NCK1: variants seen among roughly 807,000 people sequenced by gnomAD.
NCK1 encodes the protein NCK adaptor protein 1.
Under a neutral mutation model 36.6 loss-of-function variants are expected in NCK1, and 19 were observed. The observed-to-expected ratio is 0.52, with a 90% confidence interval of 0.36 to 0.76. The LOEUF is 0.76. Ranked by LOEUF, NCK1 falls within the 30% of genes least tolerant of loss-of-function variation. The pLI, the probability that NCK1 is intolerant of heterozygous loss-of-function variation, is 0.00. For synonymous variants in NCK1, 165 were observed against 156.0 expected (o/e 1.06, Z -0.43); for missense variants, 358 against 445.6 (o/e 0.80, Z 1.77).
chr3:136,882,759 G>A (rs1471067913), intron 1 of NCK1, among the ~76,000 whole-genome samples: 5 of 152,178 alleles, frequency 3.3e-5, no homozygotes, highest in African/African-American at 1.2e-4. Flanking sequence ...TACCCATTCA[G>A]TTCCATTGGT....
chr3:136,928,432 C>G (rs1940303096), intron 2 of NCK1: 1 of 563,722 alleles, frequency 1.8e-6, no homozygotes, highest in South Asian at 2.3e-5. Context: ...TAGGCCCATG[C>G]TCCAAGTCAA....
intron 2 of NCK1, among the ~76,000 whole-genome samples, chr3:136,936,801 T>C (rs778693151): frequency 9.2e-5 from 14 of 152,256 alleles, no homozygotes; most frequent in Non-Finnish European, 1.8e-4. Flanking sequence ...TTTATTCAAG[T>C]CCTTTGCCCA....
intron 1 of NCK1, among the ~76,000 whole-genome samples, chr3:136,910,700 T>C (rs545030548): frequency 6.6e-5 from 10 of 152,370 alleles, no homozygotes; most frequent in African/African-American, 2.2e-4. Context: ...CAATGGGATG[T>C]TCTGACACAT....
At chr3:136,906,080 A>G (rs1309748236) in intron 1 of NCK1, among the ~76,000 whole-genome samples, 12 of 152,004 alleles carry the variant, frequency 7.9e-5, no homozygotes. Context: ...TGTCTTTCAT[A>G]GGGGAGGACA....
chr3:136,897,114 T>C lies in NCK1; in HGVS notation c.-18-30870T>C, dbSNP rs149099281. Among the ~76,000 whole-genome samples, 375 of 152,068 alleles carry C rather than the reference T, an allele frequency of 2.5e-3. 1 individual carries two copies. Among genetic ancestry groups the C allele is most frequent in the African/African-American group, 7.7e-3 (321 of 41,486 alleles). ...TTTTATTTATTATTTTGAGACAGAA[T>C]CTCACTCCCTGTCACCTAGGCTGGA... On this transcript the variant is annotated intron_variant, in intron 1 of 3. Coordinates refer to ENST00000481752, the MANE Select transcript of NCK1 (RefSeq NM_001291999.2).
At chr3:136,944,111 CCTTTTTTTTT>C (rs1284656213) in intron 2 of NCK1, among the ~76,000 whole-genome samples, 6 of 80,924 alleles carry the variant, frequency 7.4e-5, no homozygotes, top group East Asian at 3.0e-4. Context: ...GGAAAAACAA[CCTTTTTTTTT>C]TTTTTTTTTT....
Position 136,921,174 on chromosome 3 carries a change from T to C in NCK1, c.-18-6810T>C, listed in dbSNP as rs1940097945. Among the ~76,000 whole-genome samples the C allele has an allele frequency of 2.0e-5, 3 of 152,326 alleles. No individual in the cohort carries two copies. The East Asian group carries it at 5.8e-4, about 29-fold the overall frequency. The stretch of plus-strand genomic sequence containing the variant: ...TCTATTTCCAGAATAATCTTCATCT[T>C]GCAAAACTTAAACTCTGTACCCATT... On this transcript the variant is annotated intron_variant, in intron 1 of 3. Coordinates refer to ENST00000481752, the MANE Select transcript of NCK1 (RefSeq NM_001291999.2).
At chr3:136,926,603 T>A (rs1035630951) in intron 1 of NCK1, among the ~76,000 whole-genome samples, 5 of 152,128 alleles carry the variant, frequency 3.3e-5, no homozygotes, top group African/African-American at 1.2e-4. Flanking sequence ...TGTTACTATT[T>A]AAAACTAAAA....
At position 136,945,755 on chromosome 3, in the gene NCK1, G is replaced by A; in HGVS notation, c.399G>A (p.Val133=). 1 of 1,614,178 alleles carries A rather than the reference G, an allele frequency of 6.2e-7. No individual in the cohort carries two copies. The highest frequency in any genetic ancestry group is 8.5e-7 in the Non-Finnish European group (1 of 1,180,034). ...TATCATTGATAAAGGGGACAAAGGT[G>A]ATCGTCATGGAGAAATGCAGTGATG... The part of the protein sequence containing the change: ...DELSLIKGTK[V]IVMEKCSDGW... Residue 133 remains valine (V), a synonymous_variant, in exon 3 of 4, where the codon GTG becomes GTA. Coordinates refer to ENST00000481752, the MANE Select transcript of NCK1 (RefSeq NM_001291999.2).
chr3:136,876,343 CA>C (rs1470943247), intron 1 of NCK1, among the ~76,000 whole-genome samples: 19 of 151,978 alleles, frequency 1.3e-4, no homozygotes, highest in African/African-American at 4.6e-4. Flanking sequence ...AAAAACCCTT[CA>C]AAAAATCAAT....
Position 136,928,160 on chromosome 3 carries a change from T to G in NCK1, c.159T>G (p.Ser53=). ...NSMNKTGFVP[S]NYVERKNSAR... is the part of the protein sequence containing the mutation. ...TGAATAAAACAGGTTTTGTGCCTTC[T>G]AACTATGTGGAAAGGAAAAACAGTG... The change falls in exon 2 of 4, where the codon TCT becomes TCG. Residue 53 remains serine (S), a synonymous_variant. Transcript: ENST00000481752. 6.2e-7 allele frequency: 1 copy of G among 1,614,224 alleles called. No individual in the cohort carries two copies. Among genetic ancestry groups the G allele is most frequent in the Non-Finnish European group, 8.5e-7 (1 of 1,180,042 alleles).
intron 1 of NCK1, among the ~76,000 whole-genome samples, chr3:136,865,709 A>G (rs1184394030): frequency 6.6e-6 from 1 of 152,260 alleles, no homozygotes; most frequent in Non-Finnish European, 1.5e-5. Context: ...GCAGTTAACA[A>G]ATTCTCTATA....
intron 1 of NCK1, among the ~76,000 whole-genome samples, chr3:136,889,818 A>G (rs1053797148): frequency 1.3e-5 from 2 of 152,124 alleles, no homozygotes; most frequent in African/African-American, 4.8e-5. Context: ...CAGGGTGCTG[A>G]TTGGTGTGTT....
Position 136,867,155 on chromosome 3 carries a change from TCCTTCCTTCCTTCCTTCCTTCC to T in NCK1, c.-19+4803_-19+4824del, listed in dbSNP as rs1361313698. ...TTCCTTCCTTCCTTCCTTCCTTCCTTCCTTCCTTCCTTCCTTCCTTCCTTCTTTCTTTCTTTTCTTTCTTTTC... is the reference window on the plus strand; with the variant it reads ...TTCCTTCCTTCCTTCCTTCCTTCCTTTTCTTTCTTTCTTTTCTTTCTTTTC... On this transcript the variant is annotated intron_variant, in intron 1 of 3. Transcript: ENST00000481752. 2.9e-4 allele frequency among the ~76,000 whole-genome samples: 18 copies of T among 61,920 alleles called. 1 individual carries two copies. The East Asian group carries it at 0.016, about 54-fold the overall frequency. The allele number at this position is 61,920 out of a possible 152,430, so 40.6% of individuals were successfully genotyped here. A position where few individuals can be genotyped will look rare whatever the true frequency, so the allele number is the denominator to read the frequency against.
chr3:136,899,489 C>G (rs1939484604), intron 1 of NCK1: 5 of 384,334 alleles, frequency 1.3e-5, no homozygotes, highest in Non-Finnish European at 2.5e-5. Context: ...TATCCTCACT[C>G]TCACCAAAAT....
rs372666726 is a variant in NCK1, at chr3:136,874,402, AGTCCTGACCTCAG to A, written c.-19+12052_-19+12064del. Among the ~76,000 whole-genome samples, 214 of 152,324 alleles carry A rather than the reference AGTCCTGACCTCAG, an allele frequency of 1.4e-3. 4 individuals are homozygous for A. In the South Asian group the frequency reaches 0.031, roughly 22 times the overall value. On this transcript the variant is annotated intron_variant, in intron 1 of 3. Coordinates refer to ENST00000481752, the MANE Select transcript of NCK1 (RefSeq NM_001291999.2). ...TGTTGGCTGGGCAGGCTGGTCTCGAAGTCCTGACCTCAGGTGACCCGCCCACCTTGGCCACCCA... is the reference window on the plus strand; with the variant it reads ...TGTTGGCTGGGCAGGCTGGTCTCGAAGTGACCCGCCCACCTTGGCCACCCA...
intron 1 of NCK1, among the ~76,000 whole-genome samples, chr3:136,903,218 T>C (rs1176672509): frequency 6.6e-6 from 1 of 152,196 alleles, no homozygotes; most frequent in East Asian, 1.9e-4. Flanking sequence ...CTTTGTCTCT[T>C]TTTACTGTTT....
chr3:136,874,403 G>A (rs1938709028), intron 1 of NCK1, among the ~76,000 whole-genome samples: 1 of 151,706 alleles, frequency 6.6e-6, no homozygotes, highest in Non-Finnish European at 1.5e-5. Context: ...TGGTCTCGAA[G>A]TCCTGACCTC....
At chr3:136,903,822 T>G (rs574857640) in intron 1 of NCK1, among the ~76,000 whole-genome samples, 1 of 152,356 alleles carries the variant, frequency 6.6e-6, no homozygotes, top group South Asian at 2.1e-4. Flanking sequence ...ATTAACTGAT[T>G]TATGGCTGTT....
Sources: allele counts gnomAD v4.1 joint callset (sites outside exome capture counted in the v4.1 genomes callset), GRCh38; gene constraint gnomAD v4.1.1; transcripts MANE v1.5; gene names NCBI Gene and HGNC (gene_info 2026-07-23, HGNC 2026-07-21).